The following MEF2C variants were observed in gnomAD, a reference collection of about 807,000 sequenced individuals.
MEF2C encodes myocyte enhancer factor 2C, also known as myocyte-specific enhancer factor 2C.
A neutral mutation model predicts 50.5 loss-of-function variants in MEF2C; 6 were observed. That is an observed-to-expected ratio of 0.12 (90% CI 0.07 to 0.23). The LOEUF is 0.23. Ranked by LOEUF, MEF2C falls within the 10% of genes least tolerant of loss-of-function variation. The probability of loss-of-function intolerance (pLI) is 1.00; values close to 1 mark genes in which losing one functional copy is unlikely to be tolerated. For missense variants in MEF2C, 276 were observed against 605.0 expected (o/e 0.46, Z 5.70); for synonymous variants, 183 against 228.0 (o/e 0.80, Z 1.78).
At chr5:88,804,905 G>T in intron 2 of MEF2C, 104 bp from the exon 3 acceptor site, 1 of 829,056 alleles carries the variant, frequency 1.2e-6, no homozygotes, top group Non-Finnish European at 1.9e-6. Context: ...GTGTGTAGTT[G>T]TCAGAGCCCT....
intron 4 of MEF2C, among the ~76,000 whole-genome samples, chr5:88,755,974 C>A (rs1580164792): frequency 6.6e-6 from 1 of 152,146 alleles, no homozygotes; most frequent in East Asian, 1.9e-4. Flanking sequence ...TTCTAGAATT[C>A]TGGATCAGAA....
chr5:88,771,302 A>G (rs1457332889), intron 3 of MEF2C: 2 of 492,690 alleles, frequency 4.1e-6, no homozygotes, highest in Non-Finnish European at 5.3e-6. Context: ...ATCCTTTAGA[A>G]ACACTGCTTT....
chr5:88,860,323 C>CTT (rs1186551762), intron 1 of MEF2C, among the ~76,000 whole-genome samples: 7 of 140,784 alleles, frequency 5.0e-5, no homozygotes, highest in Admixed American at 1.4e-4. Context: ...TATTTGTATG[C>CTT]TTTTTTTTTT....
intron 5 of MEF2C, chr5:88,751,580 T>G: frequency 2.1e-6 from 2 of 952,570 alleles, no homozygotes; most frequent in Non-Finnish European, 2.5e-6. Context: ...AAAGGATATC[T>G]GACATCCTGT....
At position 88,719,899 on chromosome 5, in the gene MEF2C, C is replaced by T. The variant is rs1755711580; in HGVS notation, c.*2705G>A. ...TGTTCTTATAAAACTATTGTCAGAA[C>T]TGCTATAAATAGCCAAGGCTTCTGC... On this transcript the variant is annotated 3_prime_UTR_variant, in exon 11 of 11. Coordinates refer to ENST00000504921, the MANE Select transcript of MEF2C (RefSeq NM_002397.5). 6.6e-6 allele frequency: 1 copy of T among 152,182 alleles called. No homozygotes were observed. 9.4% of individuals were successfully genotyped at this position (152,182 alleles called of 1,614,324 possible).
At chr5:88,865,347 C>T (rs1474989394) in intron 1 of MEF2C, among the ~76,000 whole-genome samples, 3 of 152,108 alleles carry the variant, frequency 2.0e-5, no homozygotes, top group Non-Finnish European at 1.5e-5. Flanking sequence ...AGTTTTCTAA[C>T]GAATTCTGCT....
chr5:88,845,006 GA>G (rs950692854), intron 1 of MEF2C, among the ~76,000 whole-genome samples: 2 of 152,204 alleles, frequency 1.3e-5, no homozygotes, highest in African/African-American at 4.8e-5. Context: ...TTCTGTGTAT[GA>G]AAATAGTTCA....
chr5:88,760,644 T>C (rs1291889703), intron 4 of MEF2C, among the ~76,000 whole-genome samples: 1 of 152,260 alleles, frequency 6.6e-6, no homozygotes, highest in African/African-American at 2.4e-5. Flanking sequence ...ATAGCAATTC[T>C]CAAACTTGCT....
chr5:88,773,500 T>C (rs1042599754), intron 3 of MEF2C, among the ~76,000 whole-genome samples: 1 of 152,242 alleles, frequency 6.6e-6, no homozygotes, highest in African/African-American at 2.4e-5. Flanking sequence ...TTATTTCATA[T>C]TGTTGCTATC....
At chr5:88,881,593 A>T (rs1244887760) in intron 1 of MEF2C, among the ~76,000 whole-genome samples, 1 of 152,170 alleles carries the variant, frequency 6.6e-6, no homozygotes, top group Non-Finnish European at 1.5e-5. Context: ...ACGAGGTTAA[A>T]CGGGGTTCAC....
At chr5:88,835,727 C>T (rs927077047) in intron 1 of MEF2C, among the ~76,000 whole-genome samples, 2 of 148,984 alleles carry the variant, frequency 1.3e-5, no homozygotes, top group African/African-American at 5.0e-5. Flanking sequence ...ACAGGAGAAT[C>T]ACTTTAACCT....
intron 1 of MEF2C, among the ~76,000 whole-genome samples, chr5:88,849,466 C>A (rs935772906): frequency 6.6e-6 from 1 of 152,148 alleles, no homozygotes; most frequent in Non-Finnish European, 1.5e-5. Context: ...ATTTGACTAA[C>A]ATGCAATGTT....
intron 3 of MEF2C, among the ~76,000 whole-genome samples, chr5:88,788,157 A>G (rs1791890796): frequency 6.7e-6 from 1 of 148,636 alleles, no homozygotes. Flanking sequence ...TCTATTAACC[A>G]TCATGCCAGT....
upstream of MEF2C, among the ~76,000 whole-genome samples, chr5:88,886,562 A>T (rs1415657536): frequency 6.6e-6 from 1 of 152,218 alleles, no homozygotes; most frequent in Non-Finnish European, 1.5e-5. Context: ...AAATGTTTCT[A>T]CCCTTTAAAC....
At chr5:88,889,386 C>T (rs574685371) in intron 1 of MEF2C, 5 of 153,132 alleles carry the variant, frequency 3.3e-5, no homozygotes, top group African/African-American at 7.3e-5. Flanking sequence ...GCTTCCCCCC[C>T]CTTCCCCCCC....
chr5:88,813,997 A>C (rs1452422811), intron 2 of MEF2C, among the ~76,000 whole-genome samples: 1 of 152,038 alleles, frequency 6.6e-6, no homozygotes, highest in Non-Finnish European at 1.5e-5. Flanking sequence ...CCAGTTGAGG[A>C]AACAGAATGA....
At chr5:88,851,093 C>G (rs1221245762) in intron 1 of MEF2C, among the ~76,000 whole-genome samples, 1 of 151,844 alleles carries the variant, frequency 6.6e-6, no homozygotes, top group Non-Finnish European at 1.5e-5. Flanking sequence ...ATTAGCTGGG[C>G]GTGGTGGCGT....
At chr5:88,862,174 A>G (rs1391004060) in intron 1 of MEF2C, among the ~76,000 whole-genome samples, 1 of 152,214 alleles carries the variant, frequency 6.6e-6, no homozygotes, top group Non-Finnish European at 1.5e-5. Context: ...CCTGCTCTTT[A>G]CATAAAACTT....
chr5:88,844,163 C>G (rs1283714215), intron 1 of MEF2C, among the ~76,000 whole-genome samples: 2 of 152,140 alleles, frequency 1.3e-5, no homozygotes, highest in Non-Finnish European at 2.9e-5. Context: ...GAGCATGCCC[C>G]AGGCATGTTA....
Sources: gnomAD v4.1 joint callset for allele counts (sites outside exome capture counted in the v4.1 genomes callset) on GRCh38, gnomAD v4.1.1 for gene constraint, MANE v1.5 for transcripts, NCBI Gene and HGNC (gene_info 2026-07-23, HGNC 2026-07-21) for gene names.